LANCL2: variants seen among roughly 807,000 people sequenced by gnomAD.
The protein encoded by LANCL2 is LanC like glutathione S-transferase 2.
LANCL2 carries 33 observed loss-of-function variants against 56.9 expected under a neutral mutation model. That is an observed-to-expected ratio of 0.58 (90% CI 0.44 to 0.78). LANCL2 has a LOEUF of 0.78. LANCL2 is among the 30% of genes least tolerant of loss of function. The pLI, the probability that LANCL2 is intolerant of heterozygous loss-of-function variation, is 0.00. For synonymous variants in LANCL2, 233 were observed against 228.2 expected, an observed-to-expected ratio of 1.02 and a Z score of -0.19; for missense variants, 562 against 580.2, an observed-to-expected ratio of 0.97 and a Z score of 0.32.
At position 55,393,936 on chromosome 7, in the gene LANCL2, A is replaced by G. The variant is rs1225260069; in HGVS notation, c.322+2026A>G. The G allele has an allele frequency of 5.9e-5, 9 of 152,342 alleles. No homozygotes were observed. The South Asian group carries it at 1.2e-3, about 21-fold the overall frequency. The allele number at this position is 152,342 out of a possible 1,614,324, so 9.4% of individuals were successfully genotyped here. A position where few individuals can be genotyped will look rare whatever the true frequency, so the allele number is the denominator to read the frequency against. On this transcript the variant is annotated intron_variant, in intron 2 of 8. Coordinates refer to ENST00000254770, the MANE Select transcript of LANCL2 (RefSeq NM_018697.4). ...GAAAATAACATAGCTATTAGTCTCA[A>G]CGGGTTTCCCCTAACAAGCCTTTTA...
At chr7:55,373,209 T>C (rs1209010626) in intron 1 of LANCL2, among the ~76,000 whole-genome samples, 3 of 105,860 alleles carry the variant, frequency 2.8e-5, no homozygotes, top group Non-Finnish European at 6.8e-5. Flanking sequence ...CACTTAACTT[T>C]ACTGCTTTCT....
intron 6 of LANCL2, among the ~76,000 whole-genome samples, chr7:55,416,064 T>G (rs979903254): frequency 1.2e-4 from 19 of 152,028 alleles, no homozygotes; most frequent in African/African-American, 4.6e-4. Flanking sequence ...GGAGGGTAGG[T>G]GTATGTTTAG....
Position 55,365,791 on chromosome 7 carries a change from G to A in LANCL2, c.-235G>A, listed in dbSNP as rs553551242. 2.0e-4 allele frequency: 79 copies of A among 390,772 alleles called. No individual in the cohort carries two copies. The highest frequency in any genetic ancestry group is 1.5e-3 in the African/African-American group (70 of 48,238). The allele number at this position is 390,772 out of a possible 1,614,324, so 24.2% of individuals were successfully genotyped here. ...TCCTCTCCGTCGGGAGCAGGGCAAAGGCGCCAGGAACAGGGCAGAGGCACA... is the reference window on the plus strand; with the variant it reads ...TCCTCTCCGTCGGGAGCAGGGCAAAAGCGCCAGGAACAGGGCAGAGGCACA... On this transcript the variant is annotated 5_prime_UTR_variant, in exon 1 of 9. Coordinates refer to ENST00000254770, the MANE Select transcript of LANCL2 (RefSeq NM_018697.4).
chr7:55,374,237 G>A (rs555231577), intron 1 of LANCL2, among the ~76,000 whole-genome samples: 3 of 152,244 alleles, frequency 2.0e-5, no homozygotes, highest in East Asian at 1.9e-4. Context: ...TATCCCCTAC[G>A]AAGCATACAT....
intron 6 of LANCL2, 90 bp from the exon 7 acceptor site, chr7:55,425,164 A>G: frequency 7.6e-7 from 1 of 1,307,730 alleles, no homozygotes; most frequent in Non-Finnish European, 1.1e-6. Context: ...TCCTAATATC[A>G]TGCCATATTC....
intron 2 of LANCL2, chr7:55,393,925 T>C (rs1163896929): frequency 6.6e-6 from 1 of 152,214 alleles, no homozygotes; most frequent in Non-Finnish European, 1.5e-5. Flanking sequence ...ATAACATAGC[T>C]ATTAGTCTCA....
intron 6 of LANCL2, among the ~76,000 whole-genome samples, chr7:55,413,380 T>C (rs1790492138): frequency 6.6e-6 from 1 of 152,210 alleles, no homozygotes; most frequent in Non-Finnish European, 1.5e-5. Flanking sequence ...GAAGCTCCTT[T>C]TTGTCAAACT....
intron 6 of LANCL2, among the ~76,000 whole-genome samples, chr7:55,417,682 A>G (rs150471813): frequency 2.1e-4 from 32 of 152,066 alleles, no homozygotes; most frequent in African/African-American, 7.7e-4. Flanking sequence ...GGGTAGAACT[A>G]ACTGACATCT....
intron 1 of LANCL2, among the ~76,000 whole-genome samples, chr7:55,366,706 G>C (rs1055051243): frequency 3.9e-5 from 6 of 152,240 alleles, no homozygotes; most frequent in African/African-American, 7.2e-5. Context: ...CGGGTGTAAG[G>C]GGAGGCCAAA....
chr7:55,408,668 CAAAAAAAAA>C (rs1790437862), intron 5 of LANCL2, among the ~76,000 whole-genome samples: 1 of 135,880 alleles, frequency 7.4e-6, no homozygotes, highest in Admixed American at 7.3e-5. Context: ...GACCCTGTCT[CAAAAAAAAA>C]GAAAAAAAAA....
intron 1 of LANCL2, among the ~76,000 whole-genome samples, chr7:55,384,218 A>G (rs903213909): frequency 6.6e-6 from 1 of 152,248 alleles, no homozygotes; most frequent in Admixed American, 6.5e-5. Context: ...ATTTGAACAA[A>G]TAATAGTTGA....
intron 2 of LANCL2, 99 bp from the exon 3 acceptor site, chr7:55,398,324 T>A: frequency 1.2e-6 from 1 of 848,280 alleles, no homozygotes; most frequent in Non-Finnish European, 1.9e-6. Context: ...AAACATAGAT[T>A]TATGTAGAAG....
intron 5 of LANCL2, among the ~76,000 whole-genome samples, chr7:55,406,934 C>T (rs1252965410): frequency 1.3e-5 from 2 of 152,094 alleles, no homozygotes; most frequent in African/African-American, 2.4e-5. Context: ...CGTCAGTGCC[C>T]GAGGGGGACG....
chr7:55,397,460 C>CAA (rs35547837), intron 2 of LANCL2, among the ~76,000 whole-genome samples: 13 of 90,300 alleles, frequency 1.4e-4, no homozygotes, highest in East Asian at 1.2e-3. Context: ...GACTCTGTCT[C>CAA]AAAAAAAAAA....
intron 2 of LANCL2, among the ~76,000 whole-genome samples, chr7:55,392,189 A>T: frequency 6.6e-6 from 1 of 152,086 alleles, no homozygotes; most frequent in East Asian, 1.9e-4. Flanking sequence ...GCTACTTGGG[A>T]GGCTGAGGCA....
At chr7:55,409,337 C>T (rs867752374) in intron 5 of LANCL2, among the ~76,000 whole-genome samples, 2 of 152,114 alleles carry the variant, frequency 1.3e-5, no homozygotes, top group East Asian at 3.9e-4. Context: ...GATCCACCCG[C>T]CTCGGCCTCC....
chr7:55,428,150 A>C (rs1790685536), intron 7 of LANCL2: 4 of 576,994 alleles, frequency 6.9e-6, no homozygotes, highest in Non-Finnish European at 1.2e-5. Context: ...CGGACTTCCC[A>C]GCAGCTGTAA....
chr7:55,400,202 A>C, intron 4 of LANCL2, 98 bp downstream of exon 4: 1 of 1,080,984 alleles, frequency 9.3e-7, no homozygotes, highest in Non-Finnish European at 1.2e-6. Context: ...TCTAGGTAGC[A>C]TTACTTTTTT....
intron 6 of LANCL2, among the ~76,000 whole-genome samples, chr7:55,412,788 T>A (rs910366438): frequency 3.9e-5 from 6 of 152,234 alleles, no homozygotes; most frequent in Non-Finnish European, 7.3e-5. Context: ...TGCTCATACA[T>A]CAGAGTATAT....
Sources: gnomAD v4.1 joint callset for allele counts (sites outside exome capture counted in the v4.1 genomes callset) on GRCh38, gnomAD v4.1.1 for gene constraint, MANE v1.5 for transcripts, NCBI Gene and HGNC (gene_info 2026-07-23, HGNC 2026-07-21) for gene names.